The following SLC6A11 variants were observed in gnomAD, a reference collection of about 807,000 sequenced individuals.
SLC6A11 encodes sodium- and chloride-dependent GABA transporter 3.
A neutral mutation model predicts 74.8 loss-of-function variants in SLC6A11; 25 were observed. That is an observed-to-expected ratio of 0.33 (90% CI 0.24 to 0.47). SLC6A11 has a LOEUF of 0.47. Ranked by LOEUF, SLC6A11 falls within the 20% of genes least tolerant of loss-of-function variation. The probability of loss-of-function intolerance (pLI) is 1.00; values close to 1 mark genes in which losing one functional copy is unlikely to be tolerated. For synonymous variants in SLC6A11, 330 were observed against 330.2 expected, an observed-to-expected ratio of 1.00 and a Z score of 0.01; for missense variants, 574 against 837.0, an observed-to-expected ratio of 0.69 and a Z score of 3.88.
At position 10,854,631 on chromosome 3, in the gene SLC6A11, G is replaced by A. The variant is rs189869755; in HGVS notation, c.756+10285G>A. ...TTATCCCCCTCCCGCCTTTTATAAG[G>A]CAGAGAGAGACTAAGGAAGCCATTC... is the stretch of plus-strand genomic sequence containing the variant. On this transcript the variant is annotated intron_variant, in intron 5 of 13. Transcript: ENST00000254488. Among the ~76,000 whole-genome samples, 188 of 152,224 alleles carry A rather than the reference G, an allele frequency of 1.2e-3. 2 individuals carry two copies. Among genetic ancestry groups the A allele is most frequent in the Non-Finnish European group, 2.2e-3 (150 of 68,014 alleles).
intron 5 of SLC6A11, among the ~76,000 whole-genome samples, chr3:10,854,273 C>T (rs1233602217): frequency 6.6e-6 from 1 of 152,138 alleles, no homozygotes; most frequent in Admixed American, 6.5e-5. Flanking sequence ...CCTGTAGTCC[C>T]AGCTACTTGG....
At chr3:10,827,474 C>T (rs1470311011) in intron 4 of SLC6A11, among the ~76,000 whole-genome samples, 1 of 152,160 alleles carries the variant, frequency 6.6e-6, no homozygotes, top group East Asian at 1.9e-4. Flanking sequence ...GATCAAGCTT[C>T]CTCAAAAACA....
intron 6 of SLC6A11, among the ~76,000 whole-genome samples, chr3:10,894,776 C>G (rs562085558): frequency 6.6e-6 from 1 of 152,232 alleles, no homozygotes; most frequent in African/African-American, 2.4e-5. Context: ...ACTTGAAAAT[C>G]GCTAAGAGAA....
intron 5 of SLC6A11, among the ~76,000 whole-genome samples, chr3:10,871,963 A>G (rs905712823): frequency 3.9e-5 from 6 of 152,212 alleles, no homozygotes; most frequent in African/African-American, 1.4e-4. Flanking sequence ...AGGACCCACT[A>G]TCACCAACCT....
rs191018505 is a variant in SLC6A11 at position 10,856,722 on chromosome 3, C to T, written c.756+12376C>T. ...CAAGTGCTTATGATGTGCCGGGTAC[C>T]CGTGGTGGGCTGGGTAATTTGAAAA... On this transcript the variant is annotated intron_variant, in intron 5 of 13. Coordinates refer to ENST00000254488, the MANE Select transcript of SLC6A11 (RefSeq NM_014229.3). Among the ~76,000 whole-genome samples the T allele has an allele frequency of 1.1e-3, 162 of 152,270 alleles. 2 individuals are homozygous for T. The East Asian group carries it at 0.025, about 24-fold the overall frequency.
chr3:10,828,218 G>A (rs1694241852), intron 4 of SLC6A11, among the ~76,000 whole-genome samples: 1 of 152,168 alleles, frequency 6.6e-6, no homozygotes, highest in South Asian at 2.1e-4. Context: ...GGTTTGGGGA[G>A]CAACTCCATT....
intron 5 of SLC6A11, among the ~76,000 whole-genome samples, chr3:10,873,092 C>T (rs1009715708): frequency 3.3e-5 from 5 of 152,160 alleles, no homozygotes. Context: ...AGGGGTGTGG[C>T]CGGTGCCACA....
At chr3:10,934,239 G>A (rs751115024) in intron 12 of SLC6A11, 73 bp downstream of exon 12, 217 of 1,047,278 alleles carry the variant, frequency 2.1e-4, no homozygotes, top group Admixed American at 9.7e-4. Flanking sequence ...TTTCCACTCC[G>A]TAGCCCCCAC....
At chr3:10,890,205 G>A (rs959212076) in intron 6 of SLC6A11, among the ~76,000 whole-genome samples, 1 of 152,006 alleles carries the variant, frequency 6.6e-6, no homozygotes, top group Non-Finnish European at 1.5e-5. Context: ...GGCCCAAGAA[G>A]CAGGAGGATG....
chr3:10,819,150 T>A (rs74429995), intron 1 of SLC6A11, among the ~76,000 whole-genome samples: 3,224 of 152,164 alleles, frequency 0.021, 98 homozygotes, highest in African/African-American at 0.069. Flanking sequence ...ATGTAAAAAA[T>A]TTTTTTTAAA....
chr3:10,877,360 G>A (rs921927342), intron 6 of SLC6A11, among the ~76,000 whole-genome samples: 2 of 152,206 alleles, frequency 1.3e-5, no homozygotes, highest in African/African-American at 2.4e-5. Context: ...TCACCAGGCA[G>A]AATGTGGAGG....
chr3:10,885,430 ACT>A (rs1695030905), intron 6 of SLC6A11, among the ~76,000 whole-genome samples: 1 of 151,842 alleles, frequency 6.6e-6, no homozygotes, highest in Non-Finnish European at 1.5e-5. Context: ...AGTCGTTCTG[ACT>A]CTAGAGCATG....
chr3:10,927,544 C>T (rs1297599431), intron 9 of SLC6A11, among the ~76,000 whole-genome samples: 11 of 152,222 alleles, frequency 7.2e-5, no homozygotes, highest in Admixed American at 5.9e-4. Flanking sequence ...GTCGTGTACC[C>T]GGGCCCGTCT....
At position 10,926,225 on chromosome 3, in the gene SLC6A11, C is replaced by T; in HGVS notation, c.1233+109C>T. The T allele has an allele frequency of 1.4e-6, 1 of 692,106 alleles. No homozygotes were observed. The highest frequency in any genetic ancestry group is 2.5e-6 in the Non-Finnish European group (1 of 396,356). 42.9% of individuals were successfully genotyped at this position (692,106 alleles called of 1,614,324 possible). ...CAGGCCCAGCCACTCCCACCTGGCC[C>T]TGGCATCAGGGCCCTGCCCACCGTC... On this transcript the variant is annotated intron_variant, in intron 9 of 13. Transcript: ENST00000254488. This position sits in a 1 kb window ranked among gnomAD's most constrained non-coding sequence, Gnocchi z 5.7.
At chr3:10,867,319 C>T (rs1045395909) in intron 5 of SLC6A11, among the ~76,000 whole-genome samples, 2 of 152,182 alleles carry the variant, frequency 1.3e-5, no homozygotes, top group African/African-American at 2.4e-5. Flanking sequence ...AGCAGACTTC[C>T]GAGCACTTCC....
chr3:10,816,540 G>A lies in SLC6A11; in HGVS notation c.256+19G>A, dbSNP rs368430288. The A allele has an allele frequency of 5.7e-6, 9 of 1,568,074 alleles. No homozygotes were observed. The African/African-American group carries it at 1.1e-4, about 19-fold the overall frequency. ...GGAGGAGGTGAGGTGATAGTGAGGA[G>A]AAGGGGAGGGGGCGCCAACCGCCCG... On this transcript the variant is annotated intron_variant, in intron 1 of 13. Transcript: ENST00000254488. This position sits in a 1 kb window ranked among gnomAD's most constrained non-coding sequence, Gnocchi z 4.2.
intron 6 of SLC6A11, among the ~76,000 whole-genome samples, chr3:10,875,526 T>C (rs1411074159): frequency 6.6e-6 from 1 of 152,228 alleles, no homozygotes; most frequent in Non-Finnish European, 1.5e-5. Flanking sequence ...CAGTTAGAAG[T>C]TAATTAAAAA....
Position 10,823,062 on chromosome 3 carries a change from T to A in SLC6A11, c.533-240T>A, listed in dbSNP as rs963520964. ...GTAGAGGAGACAGTTTGATAGGGAG[T>A]GTTGGTTAGGAATGGGAGAGAGAAG... is the stretch of plus-strand genomic sequence containing the variant. On this transcript the variant is annotated intron_variant, in intron 3 of 13. Transcript: ENST00000254488. 2.0e-5 allele frequency among the ~76,000 whole-genome samples: 3 copies of A among 151,654 alleles called. No individual in the cohort carries two copies. In the East Asian group the frequency reaches 5.8e-4, roughly 29 times the overall value.
chr3:10,884,585 A>G (rs934010124), intron 6 of SLC6A11, among the ~76,000 whole-genome samples: 2 of 152,158 alleles, frequency 1.3e-5, no homozygotes, highest in Non-Finnish European at 2.9e-5. Context: ...TGTGTGAGGG[A>G]TACGGTACTG....
Sources: allele counts gnomAD v4.1 joint callset (sites outside exome capture counted in the v4.1 genomes callset), GRCh38; gene constraint gnomAD v4.1.1; non-coding constraint Gnocchi (gnomAD v3.1); transcripts MANE v1.5; gene names NCBI Gene and HGNC (gene_info 2026-07-23, HGNC 2026-07-21).